The following ZNF653 variants were observed in gnomAD, a reference collection of about 807,000 sequenced individuals.
ZNF653 encodes zinc finger protein 653, also known as 67 kDa zinc finger protein.
Under a neutral mutation model 59.9 loss-of-function variants are expected in ZNF653, and 37 were observed. The observed-to-expected ratio is 0.62, with a 90% CI of 0.48 to 0.81. The LOEUF (loss-of-function observed/expected upper bound fraction) is 0.81. Among genes scored for constraint, ZNF653 ranks in the 40% least tolerant of loss-of-function variants. The probability of loss-of-function intolerance (pLI) is 0.00; values close to 1 mark genes in which losing one functional copy is unlikely to be tolerated. For missense variants in ZNF653, 808 were observed against 881.1 expected (o/e 0.92, Z 1.05); for synonymous variants, 435 against 371.8 (o/e 1.17, Z -1.96).
Position 11,487,998 on chromosome 19 carries a change from A to ATTTATTTT in ZNF653, c.560-96_560-95insAAAATAAA, listed in dbSNP as rs556169775. 6.2e-6 allele frequency: 7 copies of ATTTATTTT among 1,125,638 alleles called. 1 individual carries two copies. In the African/African-American group the frequency reaches 7.1e-5, roughly 11 times the overall value. 69.7% of individuals were successfully genotyped at this position (1,125,638 alleles called of 1,614,324 possible). On this transcript the variant is annotated intron_variant, in intron 3 of 8. Coordinates refer to ENST00000293771, the MANE Select transcript of ZNF653 (RefSeq NM_138783.4). This position sits in a 1 kb window ranked among gnomAD's most constrained non-coding sequence, Gnocchi z 5.1. ...TTTTATTTTATTTATTTATTTATTT[A>ATTTATTTT]TTTTTTTGAGACAGAGTCTCACTCT... is the stretch of plus-strand genomic sequence containing the variant.
In ZNF653 at chr19:11,486,873, G is replaced by T; in HGVS notation, c.1351C>A (p.Arg451=). 2 of 1,610,376 alleles carry T rather than the reference G, an allele frequency of 1.2e-6. No homozygotes were observed. Among genetic ancestry groups the T allele is most frequent in the South Asian group, 2.2e-5 (2 of 90,562 alleles). ...TCCATCACCCGCGACCGCTTGCTCC[G>T]CCGCCTCCTGGAGGGGAAGGGGCCA... ...EIPKEPEKRR[R]SKRSRVMDAD... The change falls in exon 6 of 9, where the codon CGG becomes AGG. Residue 451 remains arginine (R), a synonymous_variant. Transcript: ENST00000293771.
At chr19:11,486,699 G>C in intron 6 of ZNF653, 70 bp downstream of exon 6, 1 of 1,300,096 alleles carries the variant, frequency 7.7e-7, no homozygotes. Flanking sequence ...ACTAGAGGTA[G>C]GACATCCTGG....
intron 2 of ZNF653, 102 bp downstream of exon 2, chr19:11,498,194 C>T: frequency 6.5e-7 from 1 of 1,532,596 alleles, no homozygotes; most frequent in South Asian, 1.1e-5. Flanking sequence ...CTGGTTCCAA[C>T]TGTGCTGCCT....
At chr19:11,498,587 G>A (rs1286426372) in intron 1 of ZNF653, among the ~76,000 whole-genome samples, 1 of 150,440 alleles carries the variant, frequency 6.6e-6, no homozygotes, top group Non-Finnish European at 1.5e-5. Context: ...GGGATTACAG[G>A]TGCACGCCAC....
intron 5 of ZNF653, 30 bp from the exon 6 acceptor site, chr19:11,486,910 C>T (rs533974246): frequency 1.3e-4 from 202 of 1,610,676 alleles, no homozygotes; most frequent in Non-Finnish European, 1.7e-4. Flanking sequence ...GACATCGGGG[C>T]TCCCGCACCA....
At chr19:11,486,926 G>GCTGGGGGC (rs1971472324) in intron 5 of ZNF653, 46 bp from the exon 6 acceptor site, 1 of 1,610,946 alleles carries the variant, frequency 6.2e-7, no homozygotes, top group African/African-American at 1.3e-5. Context: ...CACCAGGCAG[G>GCTGGGGGC]CTGGGGGCCT....
chr19:11,484,914 G>A (rs1321449132), intron 7 of ZNF653, among the ~76,000 whole-genome samples: 2 of 151,470 alleles, frequency 1.3e-5, no homozygotes, highest in Non-Finnish European at 2.9e-5. Flanking sequence ...AGCTGGCATG[G>A]TGGTGAGCGC....
rs1971580745 is a variant in ZNF653 at position 11,495,823 on chromosome 19, T to C, written c.559+127A>G. The C allele has an allele frequency of 1.0e-6, 1 of 990,280 alleles. No homozygotes were observed. The highest frequency in any genetic ancestry group is 2.3e-5 in the Admixed American group (1 of 44,300). 61.3% of individuals were successfully genotyped at this position (990,280 alleles called of 1,614,324 possible). On this transcript the variant is annotated intron_variant, in intron 3 of 8. Transcript: ENST00000293771. This position sits in a 1 kb window ranked among gnomAD's most constrained non-coding sequence, Gnocchi z 4.9. Reference sequence around the variant, plus strand: ...AGCCTGGCCCATCGTGTCCCTGCTCTGCCCCAGTGCCAGAGCCAGAGCCAG... The same window carrying C: ...AGCCTGGCCCATCGTGTCCCTGCTCCGCCCCAGTGCCAGAGCCAGAGCCAG...
intron 3 of ZNF653, among the ~76,000 whole-genome samples, chr19:11,494,386 T>TAA (rs778902382): frequency 0.018 from 1,803 of 100,996 alleles, 28 homozygotes; most frequent in African/African-American, 0.071. Flanking sequence ...ACATAAAACA[T>TAA]AACATAACAT....
chr19:11,487,482 G>A lies in ZNF653; in HGVS notation c.981C>T (p.Tyr327=), dbSNP rs368447080. ...GAATGCCCTCGGCCGTGAGAGCGTC[G>A]TAACCAGGGCCCGCAATGATGATCA... ...SQVIIIAGPG[Y]DALTAEGIHL... The change falls in exon 4 of 9, where the codon TAC becomes TAT. Residue 327 remains tyrosine (Y), a synonymous_variant. Transcript: ENST00000293771. This position sits in a 1 kb window ranked among gnomAD's most constrained non-coding sequence, Gnocchi z 5.1. 113 of 1,613,544 alleles carry A rather than the reference G, an allele frequency of 7.0e-5. No individual in the cohort carries two copies. The highest frequency in any genetic ancestry group is 5.5e-4 in the Admixed American group (33 of 60,010).
chr19:11,496,365 T>C (rs1419922501), intron 2 of ZNF653, among the ~76,000 whole-genome samples, 200 bp from the exon 3 acceptor site: 3 of 152,188 alleles, frequency 2.0e-5, no homozygotes, highest in African/African-American at 7.2e-5. Flanking sequence ...GGGACTGTTC[T>C]ATTGGCAAAG....
At position 11,483,452 on chromosome 19, in the gene ZNF653, C is replaced by T; in HGVS notation, c.*230G>A. 4 of 1,355,860 alleles carry T rather than the reference C, an allele frequency of 3.0e-6. No individual in the cohort carries two copies. The highest frequency in any genetic ancestry group is 3.8e-6 in the Non-Finnish European group (4 of 1,055,402). 84.0% of individuals were successfully genotyped at this position (1,355,860 alleles called of 1,614,324 possible). ...TCTCCTTTCTCGCTCTTTAATCTCA[C>T]TCTGCTCTCTTGACACAGTTCCAGC... is the stretch of plus-strand genomic sequence containing the variant. On this transcript the variant is annotated 3_prime_UTR_variant, in exon 9 of 9. Transcript: ENST00000293771.
chr19:11,505,797 C>T lies in ZNF653; in HGVS notation c.-11G>A, dbSNP rs2144959120. ...CGCCCGCTCCGCCATCCCCCCCACCCTGGTTACCAGCCTCCCCCGTTGTTA... is the reference window on the plus strand; with the variant it reads ...CGCCCGCTCCGCCATCCCCCCCACCTTGGTTACCAGCCTCCCCCGTTGTTA... On this transcript the variant is annotated 5_prime_UTR_variant, in exon 1 of 9. Transcript: ENST00000293771. 4.3e-6 allele frequency: 6 copies of T among 1,393,824 alleles called. No individual in the cohort carries two copies. Among genetic ancestry groups the T allele is most frequent in the Non-Finnish European group, 5.5e-6 (6 of 1,083,668 alleles). 86.3% of individuals were successfully genotyped at this position (1,393,824 alleles called of 1,614,324 possible). A position where few individuals can be genotyped will look rare whatever the true frequency, so the allele number is the denominator to read the frequency against.
chr19:11,490,906 AG>A, intron 3 of ZNF653, among the ~76,000 whole-genome samples: 1 of 152,194 alleles, frequency 6.6e-6, no homozygotes, highest in East Asian at 1.9e-4. Flanking sequence ...ACTCAGCGGA[AG>A]GCAGCTCAGT....
chr19:11,502,301 A>C (rs1348570988), intron 1 of ZNF653, among the ~76,000 whole-genome samples: 1 of 151,506 alleles, frequency 6.6e-6, no homozygotes, highest in Non-Finnish European at 1.5e-5. Flanking sequence ...CCTATTGGTC[A>C]GGCTGGTCTC....
chr19:11,483,818 A>G lies in ZNF653; in HGVS notation c.1712T>C (p.Leu571Pro). The change falls in exon 9 of 9, where the codon CTC (leucine) becomes CCC (proline). Residue 571 changes from leucine to proline, a missense_variant. Coordinates refer to ENST00000293771, the MANE Select transcript of ZNF653 (RefSeq NM_138783.4). The part of the protein sequence containing the change: ...CGYQCRQRAS[L>P]NWHMKKHTAE... ...AGTGTGCTTCTTCATGTGCCAGTTG[A>G]GCGACGCGCGCTGCCGGCACTGGTA... is the stretch of plus-strand genomic sequence containing the variant. 2 of 1,607,396 alleles carry G rather than the reference A, an allele frequency of 1.2e-6. No homozygotes were observed. The highest frequency in any genetic ancestry group is 1.7e-6 in the Non-Finnish European group (2 of 1,177,804).
Position 11,487,473 on chromosome 19 carries a change from G to C in ZNF653, c.990C>G (p.Leu330=), listed in dbSNP as rs145806085. 2,552 of 1,613,490 alleles carry C rather than the reference G, an allele frequency of 1.6e-3. 11 individuals are homozygous for C. The highest frequency in any genetic ancestry group is 1.9e-3 in the Non-Finnish European group (2,204 of 1,179,994). ...IIIAGPGYDA[L]TAEGIHLNMA... ...TGTTGAGGTGAATGCCCTCGGCCGT[G>C]AGAGCGTCGTAACCAGGGCCCGCAA... Residue 330 remains leucine (L), a synonymous_variant, in exon 4 of 9, where the codon CTC becomes CTG. Transcript: ENST00000293771. This position sits in a 1 kb window ranked among gnomAD's most constrained non-coding sequence, Gnocchi z 5.1.
Position 11,485,641 on chromosome 19 carries a change from G to A in ZNF653, c.1570+15C>T. 1 of 1,606,182 alleles carries A rather than the reference G, an allele frequency of 6.2e-7. No homozygotes were observed. Among genetic ancestry groups the A allele is most frequent in the Non-Finnish European group, 8.5e-7 (1 of 1,173,008 alleles). Reference sequence around the variant, plus strand: ...GTGTCCCCCGCTCATGCTGCCAGCTGGCCCAGGGCCTGACCTGAATGGATG... The same window carrying A: ...GTGTCCCCCGCTCATGCTGCCAGCTAGCCCAGGGCCTGACCTGAATGGATG... On this transcript the variant is annotated intron_variant, in intron 7 of 8. Coordinates refer to ENST00000293771, the MANE Select transcript of ZNF653 (RefSeq NM_138783.4).
rs1297713121 is a variant in ZNF653, at chr19:11,495,205, G to A, written c.559+745C>T. 3.9e-5 allele frequency among the ~76,000 whole-genome samples: 6 copies of A among 152,174 alleles called. No homozygotes were observed. Among genetic ancestry groups the A allele is most frequent in the African/African-American group, 9.6e-5 (4 of 41,532 alleles). ...CCATTGCCGAACCCCTGAGGCTGCC[G>A]GCAGCCCCCTCACCACTCACCGGGG... On this transcript the variant is annotated intron_variant, in intron 3 of 8. Transcript: ENST00000293771. This position sits in a 1 kb window ranked among gnomAD's most constrained non-coding sequence, Gnocchi z 4.9.
Sources: allele counts gnomAD v4.1 joint callset (sites outside exome capture counted in the v4.1 genomes callset), GRCh38; gene constraint gnomAD v4.1.1; non-coding constraint Gnocchi (gnomAD v3.1); transcripts MANE v1.5; gene names NCBI Gene and HGNC (gene_info 2026-07-23, HGNC 2026-07-21).